CCDC192: variants seen among roughly 807,000 people sequenced by gnomAD.
CCDC192 encodes the protein coiled-coil domain-containing protein 192.
chr5:127,913,368 G>A (rs984980416), intron 6 of CCDC192, among the ~76,000 whole-genome samples: 4 of 152,256 alleles, frequency 2.6e-5, no homozygotes, highest in African/African-American at 9.6e-5. Context: ...ATAAACCTAC[G>A]TTTACCTCTT....
intron 6 of CCDC192, among the ~76,000 whole-genome samples, chr5:127,885,645 A>T (rs932431524): frequency 1.3e-5 from 2 of 152,204 alleles, no homozygotes; most frequent in African/African-American, 4.8e-5. Flanking sequence ...AGGAAAGAGT[A>T]GATACTTCTA....
intron 5 of CCDC192, among the ~76,000 whole-genome samples, chr5:127,853,698 G>A (rs1025497252): frequency 4.6e-5 from 7 of 152,052 alleles, no homozygotes; most frequent in African/African-American, 1.4e-4. Flanking sequence ...GCTTGAACTT[G>A]GGAGGCAGAG....
chr5:127,834,072 A>G (rs1433226256), intron 5 of CCDC192, among the ~76,000 whole-genome samples: 1 of 152,190 alleles, frequency 6.6e-6, no homozygotes, highest in Non-Finnish European at 1.5e-5. Flanking sequence ...GTCTAAAAGC[A>G]GGACATAAAT....
intron 5 of CCDC192, among the ~76,000 whole-genome samples, chr5:127,822,397 A>G (rs1749333201): frequency 1.3e-5 from 2 of 152,250 alleles, no homozygotes; most frequent in African/African-American, 4.8e-5. Flanking sequence ...TGCCTATGGC[A>G]GGACATAGCA....
intron 3 of CCDC192, among the ~76,000 whole-genome samples, chr5:127,795,059 G>A (rs1046635926): frequency 1.3e-4 from 20 of 152,062 alleles, no homozygotes; most frequent in Admixed American, 3.9e-4. Flanking sequence ...TTGGGAGGCC[G>A]AGGCGGGCGG....
intron 6 of CCDC192, among the ~76,000 whole-genome samples, chr5:127,904,794 A>T (rs1433603559): frequency 6.6e-6 from 1 of 151,978 alleles, no homozygotes; most frequent in Non-Finnish European, 1.5e-5. Context: ...GAGCCACCGC[A>T]CTTGGCCTGG....
At chr5:127,712,465 C>G (rs1323129698) in intron 2 of CCDC192, among the ~76,000 whole-genome samples, 1 of 152,220 alleles carries the variant, frequency 6.6e-6, no homozygotes, top group East Asian at 1.9e-4. Context: ...CCTGTGATAT[C>G]TGCACATTCC....
intron 3 of CCDC192, among the ~76,000 whole-genome samples, chr5:127,774,446 G>A (rs1755743495): frequency 1.3e-5 from 2 of 152,230 alleles, no homozygotes; most frequent in Admixed American, 1.3e-4. Context: ...TAACATAGGG[G>A]TCCAACTTCA....
chr5:127,807,726 C>T (rs1757870169), intron 5 of CCDC192, among the ~76,000 whole-genome samples: 1 of 152,118 alleles, frequency 6.6e-6, no homozygotes, highest in Non-Finnish European at 1.5e-5. Flanking sequence ...TGCTTCACTC[C>T]ACTCCTGGGC....
intron 2 of CCDC192, among the ~76,000 whole-genome samples, chr5:127,736,490 T>G (rs1055810064): frequency 6.6e-6 from 1 of 151,972 alleles, no homozygotes; most frequent in Non-Finnish European, 1.5e-5. Flanking sequence ...ATTGGAATAG[T>G]TTCAGAAGGA....
rs1372453290 is a variant in CCDC192 at position 127,893,085 on chromosome 5, A to G, written c.535+17424A>G. On this transcript the variant is annotated intron_variant, in intron 6 of 6. Coordinates refer to ENST00000514853, the MANE Select transcript of CCDC192 (RefSeq NM_001317938.2). Reference sequence around the variant, plus strand: ...TAGCAGAAAGCCCTAAAATATCAGTATCGGGTGTTAGAAGTCAAGCAGACC... The same window carrying G: ...TAGCAGAAAGCCCTAAAATATCAGTGTCGGGTGTTAGAAGTCAAGCAGACC... Among the ~76,000 whole-genome samples the G allele has an allele frequency of 2.6e-5, 4 of 152,202 alleles. No homozygotes were observed. In the East Asian group the frequency reaches 7.7e-4, roughly 29 times the overall value.
chr5:127,757,830 T>G (rs1754695817), intron 3 of CCDC192, among the ~76,000 whole-genome samples: 1 of 148,712 alleles, frequency 6.7e-6, no homozygotes, highest in African/African-American at 2.5e-5. Flanking sequence ...AATCTGTGTG[T>G]ATGTGTGTGT....
At chr5:127,736,766 G>A (rs1335729659) in intron 2 of CCDC192, among the ~76,000 whole-genome samples, 11 of 145,706 alleles carry the variant, frequency 7.5e-5, no homozygotes, top group Admixed American at 2.1e-4. Flanking sequence ...CTGTGGGATC[G>A]GTGGTGATAT....
At chr5:127,751,451 C>T (rs545323640) in intron 2 of CCDC192, among the ~76,000 whole-genome samples, 2,903 of 152,244 alleles carry the variant, frequency 0.019, 44 homozygotes, top group Non-Finnish European at 0.031. Context: ...CCCCCACTCT[C>T]TTCTGGCTTG....
chr5:127,734,345 G>C (rs1447189036), intron 2 of CCDC192, among the ~76,000 whole-genome samples: 25 of 151,864 alleles, frequency 1.6e-4, no homozygotes, highest in Admixed American at 1.6e-3. Context: ...ATTTGGGTTG[G>C]TTCCAAGTCT....
At chr5:127,869,739 T>C (rs1455369509) in intron 5 of CCDC192, among the ~76,000 whole-genome samples, 2 of 152,236 alleles carry the variant, frequency 1.3e-5, no homozygotes, top group Non-Finnish European at 2.9e-5. Context: ...TCTTCCCTTA[T>C]AGTGAGTCAG....
intron 6 of CCDC192, among the ~76,000 whole-genome samples, chr5:127,876,102 A>G (rs1752067877): frequency 6.8e-6 from 1 of 147,870 alleles, no homozygotes; most frequent in Non-Finnish European, 1.5e-5. Flanking sequence ...AGGCAAATGA[A>G]CCAGAAACAA....
At chr5:127,880,509 G>A (rs1305966526) in intron 6 of CCDC192, among the ~76,000 whole-genome samples, 1 of 149,588 alleles carries the variant, frequency 6.7e-6, no homozygotes, top group Non-Finnish European at 1.5e-5. Context: ...GCTAGATGAC[G>A]AGTTAGTGGG....
intron 6 of CCDC192, among the ~76,000 whole-genome samples, chr5:127,928,572 A>G (rs1458092574): frequency 6.6e-6 from 1 of 152,172 alleles, no homozygotes; most frequent in Non-Finnish European, 1.5e-5. Flanking sequence ...ATAAAGCAAC[A>G]TATTCAAAGG....
Sources: allele counts gnomAD v4.1 joint callset (sites outside exome capture counted in the v4.1 genomes callset), GRCh38; gene constraint gnomAD v4.1.1; transcripts MANE v1.5; gene names NCBI Gene and HGNC (gene_info 2026-07-23, HGNC 2026-07-21).